GDI2: variants seen among roughly 807,000 people sequenced by gnomAD.
The protein encoded by GDI2 is GDP dissociation inhibitor 2.
Under a neutral mutation model 54.2 loss-of-function variants are expected in GDI2, and 22 were observed. The observed-to-expected ratio is 0.41, with a 90% CI of 0.29 to 0.58. GDI2 has a LOEUF of 0.58. Among genes scored for constraint, GDI2 ranks in the 20% least tolerant of loss-of-function variants. GDI2 has a pLI of 0.35. For synonymous variants in GDI2, 177 were observed against 182.1 expected, an observed-to-expected ratio of 0.97 and a Z score of 0.23; for missense variants, 422 against 546.0, an observed-to-expected ratio of 0.77 and a Z score of 2.26.
chr10:5,767,383 C>T (rs1264914639), intron 8 of GDI2, among the ~76,000 whole-genome samples: 1 of 152,058 alleles, frequency 6.6e-6, no homozygotes, highest in African/African-American at 2.4e-5. Flanking sequence ...GCAATCACAG[C>T]TTACAGTAAC....
intron 7 of GDI2, among the ~76,000 whole-genome samples, chr10:5,769,542 G>T (rs1361466226): frequency 6.6e-6 from 1 of 151,342 alleles, no homozygotes; most frequent in Non-Finnish European, 1.5e-5. Flanking sequence ...TTGCACTCCA[G>T]GCTGGGCAAT....
At chr10:5,775,656 C>A (rs766754284) in intron 6 of GDI2, among the ~76,000 whole-genome samples, 5 of 152,168 alleles carry the variant, frequency 3.3e-5, no homozygotes, top group Non-Finnish European at 5.9e-5. Context: ...GAGGGAAAAG[C>A]GAAGGAATCC....
At chr10:5,799,268 T>C (rs560315425) in intron 2 of GDI2, among the ~76,000 whole-genome samples, 1 of 152,150 alleles carries the variant, frequency 6.6e-6, no homozygotes, top group Non-Finnish European at 1.5e-5. Context: ...GCCCAGGAGT[T>C]CAAGGCTACA....
rs147132164 is a variant in GDI2, at chr10:5,770,728, G to C, written c.820-2344C>G. Among the ~76,000 whole-genome samples the C allele has an allele frequency of 4.3e-3, 647 of 152,112 alleles. 7 individuals are homozygous for C. The highest frequency in any genetic ancestry group is 0.015 in the African/African-American group (620 of 41,488). On this transcript the variant is annotated intron_variant, in intron 7 of 10. Coordinates refer to ENST00000380191, the MANE Select transcript of GDI2 (RefSeq NM_001494.4). ...CGCCTGTAATCCCAGCACTTTGGGA[G>C]GCCGAGGCAGGCAGATCACCTGAGG...
intron 4 of GDI2, among the ~76,000 whole-genome samples, chr10:5,791,430 C>T (rs886830858): frequency 2.0e-5 from 3 of 151,774 alleles, no homozygotes; most frequent in Admixed American, 1.3e-4. Flanking sequence ...GCCAACATGG[C>T]GAAACCCGGT....
At chr10:5,779,286 G>A (rs1840696551) in intron 6 of GDI2, among the ~76,000 whole-genome samples, 2 of 151,886 alleles carry the variant, frequency 1.3e-5, no homozygotes, top group Admixed American at 6.6e-5. Flanking sequence ...TGAGGCGGGC[G>A]GATCACAAGG....
intron 2 of GDI2, among the ~76,000 whole-genome samples, chr10:5,799,776 T>C (rs1373675771): frequency 2.6e-5 from 4 of 152,258 alleles, no homozygotes; most frequent in East Asian, 3.8e-4. Flanking sequence ...ATTATGCTTA[T>C]GCAGGAGAAT....
chr10:5,801,199 C>T (rs183317190), intron 1 of GDI2, among the ~76,000 whole-genome samples: 4 of 152,102 alleles, frequency 2.6e-5, no homozygotes, highest in African/African-American at 4.8e-5. Flanking sequence ...GTGATCCTCC[C>T]GCCTCAGCCT....
chr10:5,807,945 C>A (rs1841409623), intron 1 of GDI2, among the ~76,000 whole-genome samples: 1 of 152,254 alleles, frequency 6.6e-6, no homozygotes, highest in South Asian at 2.1e-4. Context: ...AAAATTAATG[C>A]CCACTCCCCA....
intron 1 of GDI2, among the ~76,000 whole-genome samples, chr10:5,809,138 G>C (rs575694853): frequency 6.6e-6 from 1 of 151,722 alleles, no homozygotes; most frequent in African/African-American, 2.4e-5. Context: ...CCAGCTACCC[G>C]GGAGGCTGAG....
chr10:5,800,496 TAACAA>T, intron 2 of GDI2, 97 bp downstream of exon 2: 1 of 726,998 alleles, frequency 1.4e-6, no homozygotes, highest in Non-Finnish European at 2.5e-6. Context: ...ATATTCCATT[TAACAA>T]AACAAAATTA....
At chr10:5,806,353 T>G (rs1841380114) in intron 1 of GDI2, among the ~76,000 whole-genome samples, 1 of 29,338 alleles carries the variant, frequency 3.4e-5, no homozygotes, top group African/African-American at 8.7e-5. Context: ...GGTGGGAGAA[T>G]CGCTTAAGCC....
At chr10:5,812,771 C>G (rs1207063950) in intron 1 of GDI2, among the ~76,000 whole-genome samples, 1 of 152,234 alleles carries the variant, frequency 6.6e-6, no homozygotes, top group Non-Finnish European at 1.5e-5. Context: ...GCCAGACTGA[C>G]CCGGGGCAGC....
intron 4 of GDI2, among the ~76,000 whole-genome samples, chr10:5,791,332 G>A (rs573115056): frequency 6.6e-5 from 10 of 152,074 alleles, no homozygotes; most frequent in Non-Finnish European, 1.2e-4. Context: ...TTCTGGGGCC[G>A]GGCACAGTGG....
rs532524100 is a variant in GDI2 at position 5,770,464 on chromosome 10, A to G, written c.820-2080T>C. Reference sequence around the variant, plus strand: ...TAATCCCAGCTACCTGGGGAGGCTGAGGCAGGAGAATCACTTGAATACGGG... The same window carrying G: ...TAATCCCAGCTACCTGGGGAGGCTGGGGCAGGAGAATCACTTGAATACGGG... On this transcript the variant is annotated intron_variant, in intron 7 of 10. Transcript: ENST00000380191. Among the ~76,000 whole-genome samples, 4 of 152,182 alleles carry G rather than the reference A, an allele frequency of 2.6e-5. No individual in the cohort carries two copies. The South Asian group carries it at 8.3e-4, about 32-fold the overall frequency.
intron 1 of GDI2, among the ~76,000 whole-genome samples, chr10:5,803,725 T>C (rs1841317295): frequency 6.6e-6 from 1 of 151,954 alleles, no homozygotes; most frequent in Non-Finnish European, 1.5e-5. Context: ...CAAGCATGAA[T>C]ACACTAAGAC....
chr10:5,811,491 G>T (rs1354190638), intron 1 of GDI2, among the ~76,000 whole-genome samples: 1 of 152,160 alleles, frequency 6.6e-6, no homozygotes, highest in Non-Finnish European at 1.5e-5. Flanking sequence ...ACTCGTGCAT[G>T]CTTAACTGAC....
chr10:5,811,657 T>TAAAAAAAA (rs34264151), intron 1 of GDI2, among the ~76,000 whole-genome samples: 4 of 135,188 alleles, frequency 3.0e-5, no homozygotes, highest in Admixed American at 7.5e-5. Context: ...ATTAGGCACT[T>TAAAAAAAA]AAAAAAAAAA....
intron 6 of GDI2, among the ~76,000 whole-genome samples, chr10:5,781,026 G>A (rs1198295744): frequency 1.3e-5 from 2 of 151,968 alleles, no homozygotes; most frequent in Non-Finnish European, 2.9e-5. Context: ...GTGTAGTACT[G>A]GCATAGGAAA....
Sources: gnomAD v4.1 joint callset for allele counts (sites outside exome capture counted in the v4.1 genomes callset) on GRCh38, gnomAD v4.1.1 for gene constraint, MANE v1.5 for transcripts, NCBI Gene and HGNC (gene_info 2026-07-23, HGNC 2026-07-21) for gene names.